Variants in HS6ST3 observed in about 807,000 individuals in gnomAD.
HS6ST3 encodes heparan-sulfate 6-O-sulfotransferase 3.
In HS6ST3, 12 loss-of-function variants were observed where a neutral mutation model predicts 36.7. That is an observed-to-expected ratio of 0.33 (90% CI 0.21 to 0.53). The LOEUF is 0.53. Among genes scored for constraint, HS6ST3 ranks in the 20% least tolerant of loss-of-function variants. HS6ST3 has a pLI of 0.95. For synonymous variants in HS6ST3, 240 were observed against 257.5 expected (o/e 0.93, Z 0.65); for missense variants, 584 against 640.9 (o/e 0.91, Z 0.96).
intron 1 of HS6ST3, among the ~76,000 whole-genome samples, chr13:96,564,524 A>G (rs929617858): frequency 1.3e-5 from 2 of 152,290 alleles, no homozygotes; most frequent in East Asian, 1.9e-4. Flanking sequence ...CTATTTGACT[A>G]GGAGTGACTC....
At chr13:96,585,893 G>A (rs2056359370) in intron 1 of HS6ST3, among the ~76,000 whole-genome samples, 1 of 152,176 alleles carries the variant, frequency 6.6e-6, no homozygotes, top group Admixed American at 6.5e-5. Context: ...ACTTTTGTGA[G>A]TAATGCTGCA....
intron 1 of HS6ST3, among the ~76,000 whole-genome samples, chr13:96,232,512 A>AG (rs769005808): frequency 7.9e-5 from 12 of 152,136 alleles, no homozygotes; most frequent in Non-Finnish European, 1.8e-4. Flanking sequence ...GAGGGCTAAA[A>AG]GGGGAAAATC....
At chr13:96,364,643 G>A (rs1196146515) in intron 1 of HS6ST3, among the ~76,000 whole-genome samples, 1 of 152,164 alleles carries the variant, frequency 6.6e-6, no homozygotes, top group Non-Finnish European at 1.5e-5. Context: ...TGAGTACATA[G>A]TTTCTGTTTG....
intron 1 of HS6ST3, among the ~76,000 whole-genome samples, chr13:96,506,075 C>T (rs1391152117): frequency 6.6e-6 from 1 of 152,000 alleles, no homozygotes; most frequent in Non-Finnish European, 1.5e-5. Flanking sequence ...TCTCAGTTTA[C>T]CCACCTCTAA....
intron 1 of HS6ST3, among the ~76,000 whole-genome samples, chr13:96,183,271 T>C (rs990138452): frequency 6.6e-6 from 1 of 152,138 alleles, no homozygotes; most frequent in Non-Finnish European, 1.5e-5. Context: ...TATACCTTCA[T>C]GTTTGGTAAG....
At chr13:96,428,161 C>T (rs1055642454) in intron 1 of HS6ST3, among the ~76,000 whole-genome samples, 4 of 152,112 alleles carry the variant, frequency 2.6e-5, no homozygotes, top group Non-Finnish European at 5.9e-5. Context: ...TCCTGGCTTA[C>T]ATGATGAAAC....
At chr13:96,243,678 T>C (rs1266824349) in intron 1 of HS6ST3, among the ~76,000 whole-genome samples, 1 of 148,642 alleles carries the variant, frequency 6.7e-6, no homozygotes, top group Non-Finnish European at 1.5e-5. Context: ...CAACAGCTTT[T>C]ATTTTAAGTA....
chr13:96,292,266 A>C (rs1312756336), intron 1 of HS6ST3, among the ~76,000 whole-genome samples: 2 of 151,724 alleles, frequency 1.3e-5, no homozygotes, highest in African/African-American at 4.8e-5. Flanking sequence ...TATTACTTTA[A>C]AGTGATAGTT....
rs540371902 is a variant in HS6ST3 at position 96,665,903 on chromosome 13, A to T, written c.708-166587A>T. 1.4e-4 allele frequency among the ~76,000 whole-genome samples: 22 copies of T among 152,302 alleles called. No individual in the cohort carries two copies. The South Asian group carries it at 3.9e-3, about 27-fold the overall frequency. On this transcript the variant is annotated intron_variant, in intron 1 of 1. Coordinates refer to ENST00000376705, the MANE Select transcript of HS6ST3 (RefSeq NM_153456.4). ...GGACTTGATTGGCCCAAGGACACAG[A>T]CTAGTAAGTGTTGAGGCAGATTTTA...
intron 1 of HS6ST3, among the ~76,000 whole-genome samples, chr13:96,585,361 A>G (rs1189603139): frequency 6.6e-6 from 1 of 152,206 alleles, no homozygotes; most frequent in Non-Finnish European, 1.5e-5. Flanking sequence ...TTTAATTGAC[A>G]GAAAAATTAT....
chr13:96,215,557 G>A (rs952303835), intron 1 of HS6ST3, among the ~76,000 whole-genome samples: 1 of 152,158 alleles, frequency 6.6e-6, no homozygotes, highest in Admixed American at 6.5e-5. Flanking sequence ...AAGCCATAAA[G>A]TGGGAGTTTA....
intron 1 of HS6ST3, among the ~76,000 whole-genome samples, chr13:96,570,484 C>T (rs1011721628): frequency 2.6e-5 from 4 of 152,190 alleles, no homozygotes; most frequent in Admixed American, 1.3e-4. Context: ...AAGCTGCAGG[C>T]ACTCTGGTTT....
chr13:96,771,732 C>T (rs1033899392), intron 1 of HS6ST3, among the ~76,000 whole-genome samples: 1 of 152,178 alleles, frequency 6.6e-6, no homozygotes, highest in African/African-American at 2.4e-5. Flanking sequence ...CAGATCCTGA[C>T]ATGACTGCTT....
intron 1 of HS6ST3, among the ~76,000 whole-genome samples, chr13:96,410,984 G>T (rs2055504622): frequency 6.6e-6 from 1 of 152,154 alleles, no homozygotes; most frequent in African/African-American, 2.4e-5. Context: ...CCAGGAATGA[G>T]GATGGTAAAT....
chr13:96,401,104 G>A (rs1473136630), intron 1 of HS6ST3, among the ~76,000 whole-genome samples: 1 of 152,118 alleles, frequency 6.6e-6, no homozygotes, highest in African/African-American at 2.4e-5. Context: ...AAAATGATGT[G>A]GAGACTGGGA....
At chr13:96,606,729 A>C (rs1183391008) in intron 1 of HS6ST3, among the ~76,000 whole-genome samples, 1 of 152,112 alleles carries the variant, frequency 6.6e-6, no homozygotes, top group Admixed American at 6.5e-5. Flanking sequence ...GTGTTCCCAC[A>C]TGACAGATCT....
intron 1 of HS6ST3, among the ~76,000 whole-genome samples, chr13:96,780,291 GT>G (rs887179954): frequency 1.6e-4 from 25 of 152,270 alleles, no homozygotes; most frequent in African/African-American, 5.8e-4. Context: ...GTCAGCTTAG[GT>G]TAGTCGTAGT....
intron 1 of HS6ST3, among the ~76,000 whole-genome samples, chr13:96,155,714 G>A (rs1263386593): frequency 6.6e-6 from 1 of 152,114 alleles, no homozygotes; most frequent in Non-Finnish European, 1.5e-5. Context: ...AGCAAGATTA[G>A]TTTATCTTGA....
intron 1 of HS6ST3, among the ~76,000 whole-genome samples, chr13:96,296,622 T>C (rs2054856168): frequency 6.6e-6 from 1 of 152,162 alleles, no homozygotes; most frequent in African/African-American, 2.4e-5. Flanking sequence ...AATAATTTAC[T>C]ATTTATATAG....
Sources: gnomAD v4.1 joint callset for allele counts (sites outside exome capture counted in the v4.1 genomes callset) on GRCh38, gnomAD v4.1.1 for gene constraint, MANE v1.5 for transcripts, NCBI Gene and HGNC (gene_info 2026-07-23, HGNC 2026-07-21) for gene names.